Variants in HMCN1 observed in about 807,000 individuals in gnomAD.
HMCN1 encodes hemicentin-1.
HMCN1 carries 321 observed loss-of-function variants against 625.9 expected under a neutral mutation model. The observed-to-expected ratio is 0.51, with a 90% CI of 0.47 to 0.56. HMCN1 has a LOEUF of 0.56. HMCN1 is among the 20% of genes least tolerant of loss of function. The probability of loss-of-function intolerance (pLI) is 0.00; values close to 1 mark genes in which losing one functional copy is unlikely to be tolerated. For missense variants in HMCN1, 6,588 were observed against 6,887.3 expected (o/e 0.96, Z 1.54); for synonymous variants, 2,425 against 2,417.6 (o/e 1.00, Z -0.09).
At chr1:185,760,981 C>G (rs1171490340) in intron 1 of HMCN1, among the ~76,000 whole-genome samples, 1 of 152,098 alleles carries the variant, frequency 6.6e-6, no homozygotes, top group Non-Finnish European at 1.5e-5. Flanking sequence ...AAGTTGTAAT[C>G]ATTATATTCT....
chr1:186,122,441 T>C (rs2102493799), intron 80 of HMCN1, among the ~76,000 whole-genome samples: 1 of 152,312 alleles, frequency 6.6e-6, no homozygotes, highest in African/African-American at 2.4e-5. Flanking sequence ...GAGTTTTACC[T>C]ATATAATTAT....
intron 69 of HMCN1, among the ~76,000 whole-genome samples, chr1:186,103,999 C>CAT (rs1156917202): frequency 6.6e-6 from 1 of 152,022 alleles, no homozygotes; most frequent in Non-Finnish European, 1.5e-5. Flanking sequence ...ATCCAACATG[C>CAT]ATATATATAA....
chr1:186,188,088 C>T, intron 106 of HMCN1, 79 bp downstream of exon 106: 1 of 1,535,980 alleles, frequency 6.5e-7, no homozygotes, highest in Non-Finnish European at 9.0e-7. Context: ...ACTTTAGTCT[C>T]TTGTCATGTG....
At chr1:185,987,865 AAAAAAAC>A (rs1180995594) in intron 20 of HMCN1, among the ~76,000 whole-genome samples, 6 of 152,074 alleles carry the variant, frequency 3.9e-5, no homozygotes, top group Non-Finnish European at 5.9e-5. Context: ...GTCCAAAAAA[AAAAAAAC>A]AAAAAACTTA....
intron 25 of HMCN1, among the ~76,000 whole-genome samples, chr1:185,999,141 TC>T: frequency 6.6e-6 from 1 of 151,332 alleles, no homozygotes; most frequent in South Asian, 2.1e-4. Flanking sequence ...TATATATATA[TC>T]CTGGGTTATA....
intron 24 of HMCN1, among the ~76,000 whole-genome samples, chr1:185,996,712 C>T (rs1047946452): frequency 5.9e-5 from 9 of 151,892 alleles, no homozygotes; most frequent in Non-Finnish European, 1.3e-4. Context: ...AGGAAATACT[C>T]GGGACATGGT....
intron 4 of HMCN1, among the ~76,000 whole-genome samples, chr1:185,901,327 T>C (rs1665793583): frequency 6.6e-6 from 1 of 151,842 alleles, no homozygotes; most frequent in Non-Finnish European, 1.5e-5. Context: ...CCCTTCCTTA[T>C]TTCCTTCTTT....
intron 35 of HMCN1, 144 bp from the exon 36 acceptor site, chr1:186,022,886 C>G: frequency 1.3e-6 from 1 of 793,446 alleles, no homozygotes; most frequent in South Asian, 1.5e-5. Context: ...TGAACTCGCT[C>G]TAGTCTATCA....
intron 4 of HMCN1, among the ~76,000 whole-genome samples, chr1:185,901,469 T>C (rs1220065459): frequency 2.0e-5 from 3 of 151,792 alleles, no homozygotes; most frequent in Non-Finnish European, 4.4e-5. Flanking sequence ...TTTAGAGTCC[T>C]ATGCCTTTTT....
At chr1:186,053,107 A>G in intron 43 of HMCN1, 33 bp downstream of exon 43, 1 of 1,543,502 alleles carries the variant, frequency 6.5e-7, no homozygotes, top group Non-Finnish European at 8.9e-7. Context: ...TATAAAATTA[A>G]AGAAAATATA....
Position 186,074,779 on chromosome 1 carries a change from T to G in HMCN1, c.8178T>G (p.Asn2726Lys). The change falls in exon 53 of 107, where the codon AAT (asparagine) becomes AAG (lysine). Residue 2726 changes from asparagine to lysine, a missense_variant. By Grantham distance (94) the Asn-to-Lys change is moderately conservative. Coordinates refer to ENST00000271588, the MANE Select transcript of HMCN1 (RefSeq NM_031935.3). ...ATGATCATGTTAATATTGCTGCGAATGGACACACACTTCAAATAAAGGAGG... is the reference window on the plus strand; with the variant it reads ...ATGATCATGTTAATATTGCTGCGAAGGGACACACACTTCAAATAAAGGAGG... ...KSDDHVNIAA[N>K]GHTLQIKEAQ... 6.2e-7 allele frequency: 1 copy of G among 1,613,046 alleles called. No homozygotes were observed. The highest frequency in any genetic ancestry group is 1.1e-5 in the South Asian group (1 of 91,056).
intron 36 of HMCN1, 105 bp downstream of exon 36, chr1:186,023,258 T>C: frequency 9.5e-7 from 1 of 1,056,638 alleles, no homozygotes; most frequent in Non-Finnish European, 1.4e-6. Context: ...CAGGTGTTTA[T>C]TTTCTTAGTC....
chr1:186,151,364 C>T lies in HMCN1; in HGVS notation c.14758+15C>T, dbSNP rs1359675086. The T allele has an allele frequency of 1.2e-6, 2 of 1,610,618 alleles. No individual in the cohort carries two copies. Among genetic ancestry groups the T allele is most frequent in the South Asian group, 1.1e-5 (1 of 90,936 alleles). On this transcript the variant is annotated intron_variant, in intron 94 of 106. Coordinates refer to ENST00000271588, the MANE Select transcript of HMCN1 (RefSeq NM_031935.3). ...TCGTAGTCTTGGTAAGTCTTTGCCT[C>T]AAGCCTCTTTTTAAAAACTTATATA... is the stretch of plus-strand genomic sequence containing the variant.
intron 35 of HMCN1, 145 bp downstream of exon 35, chr1:186,019,840 A>G (rs996024021): frequency 1.6e-6 from 1 of 615,254 alleles, no homozygotes. Flanking sequence ...TTTTTCTTAG[A>G]GTTTTTAAGA....
chr1:185,799,572 T>C (rs1388212034), intron 1 of HMCN1, among the ~76,000 whole-genome samples: 2 of 152,122 alleles, frequency 1.3e-5, no homozygotes, highest in Non-Finnish European at 2.9e-5. Flanking sequence ...ATGAATACCC[T>C]TGGTGTGGTA....
intron 2 of HMCN1, among the ~76,000 whole-genome samples, chr1:185,864,260 G>A (rs553309321): frequency 1.3e-5 from 2 of 152,134 alleles, no homozygotes; most frequent in African/African-American, 4.8e-5. Flanking sequence ...TGTGTGTTTT[G>A]GGTGAATTTC....
rs553368693 is a variant in HMCN1, at chr1:185,863,654, C to T, written c.340-816C>T. Among the ~76,000 whole-genome samples the T allele has an allele frequency of 2.6e-5, 4 of 152,176 alleles. No individual in the cohort carries two copies. The East Asian group carries it at 7.7e-4, about 29-fold the overall frequency. ...ACAGCAAACTCACAATTTCATGTAC[C>T]AATCCACATAATTATGAAGGAAATA... On this transcript the variant is annotated intron_variant, in intron 2 of 106. Transcript: ENST00000271588.
intron 104 of HMCN1, among the ~76,000 whole-genome samples, chr1:186,180,821 A>T (rs565814109): frequency 2.0e-5 from 3 of 152,210 alleles, no homozygotes; most frequent in African/African-American, 7.2e-5. Context: ...ATGGTATTTT[A>T]TAGTATTGGG....
At chr1:185,978,750 G>C (rs781687663) in intron 16 of HMCN1, among the ~76,000 whole-genome samples, 3 of 152,122 alleles carry the variant, frequency 2.0e-5, no homozygotes, top group Middle Eastern at 3.4e-3. Context: ...GCATGAACTT[G>C]GCTCACTGCA....
Sources: gnomAD v4.1 joint callset for allele counts (sites outside exome capture counted in the v4.1 genomes callset) on GRCh38, gnomAD v4.1.1 for gene constraint, MANE v1.5 for transcripts, NCBI Gene and HGNC (gene_info 2026-07-23, HGNC 2026-07-21) for gene names.